The following SSMEM1 variants were observed in gnomAD, a reference collection of about 807,000 sequenced individuals.
The protein encoded by SSMEM1 is serine-rich single-pass membrane protein 1.
A neutral mutation model predicts 9.9 loss-of-function variants in SSMEM1; 12 were observed. The ratio of observed to expected loss-of-function variants is 1.21; its 90% confidence interval spans 0.78 to 1.96. SSMEM1 has a LOEUF of 1.96. Among genes scored for constraint, SSMEM1 ranks in the 30% most tolerant of loss-of-function variants. The pLI, the probability that SSMEM1 is intolerant of heterozygous loss-of-function variation, is 0.00. For missense variants in SSMEM1, 259 were observed against 292.2 expected, an observed-to-expected ratio of 0.89 and a Z score of 0.83; for synonymous variants, 96 against 98.9, an observed-to-expected ratio of 0.97 and a Z score of 0.17.
In SSMEM1 at chr7:130,216,503, A is replaced by G; in HGVS notation, c.*33A>G. The G allele has an allele frequency of 6.3e-7, 1 of 1,593,548 alleles. No individual in the cohort carries two copies. The highest frequency in any genetic ancestry group is 8.6e-7 in the Non-Finnish European group (1 of 1,168,996). On this transcript the variant is annotated 3_prime_UTR_variant, in exon 3 of 3. Coordinates refer to ENST00000297819, the MANE Select transcript of SSMEM1 (RefSeq NM_145268.4). ...CACGTTCTTCCTTCACTTGAAGCCA[A>G]ATGAAAGAGATGAATAAAACATGAA...
chr7:130,208,020 C>T lies in SSMEM1; in HGVS notation c.110C>T (p.Thr37Ile), dbSNP rs779152211. The change falls in exon 1 of 3, where the codon ACC becomes ATC. Residue 37 changes from threonine (T) to isoleucine (I), a missense_variant. By Grantham distance (89) the Thr-to-Ile change is moderately conservative (BLOSUM62 -1). Coordinates refer to ENST00000297819, the MANE Select transcript of SSMEM1 (RefSeq NM_145268.4). The part of the protein sequence containing the change: ...YECWKDDSCG[T>I]IGSFLLWYFV... Reference sequence around the variant, plus strand: ...TGCTGGAAGGATGACTCTTGTGGAACCATAGGGAGCTTCCTGCTTTGGTAT... The same window carrying T: ...TGCTGGAAGGATGACTCTTGTGGAATCATAGGGAGCTTCCTGCTTTGGTAT... The T allele has an allele frequency of 1.1e-5, 18 of 1,614,028 alleles. No homozygotes were observed. The highest frequency in any genetic ancestry group is 1.5e-5 in the Non-Finnish European group (18 of 1,179,968).
Position 130,216,622 on chromosome 7 carries a change from C to A in SSMEM1, c.*152C>A. The A allele has an allele frequency of 2.1e-6, 2 of 943,468 alleles. No individual in the cohort carries two copies. The highest frequency in any genetic ancestry group is 1.8e-5 in the South Asian group (1 of 55,286). The allele number at this position is 943,468 out of a possible 1,614,324, so 58.4% of individuals were successfully genotyped here. On this transcript the variant is annotated 3_prime_UTR_variant, in exon 3 of 3. Transcript: ENST00000297819. Reference sequence around the variant, plus strand: ...TTGGAACCCAAGAGGTAAAATCTCACACAATTCTTCGTTCAAAAAAAAAAA... The same window carrying A: ...TTGGAACCCAAGAGGTAAAATCTCAAACAATTCTTCGTTCAAAAAAAAAAA...
At chr7:130,212,453 C>T (rs1042021089) in intron 1 of SSMEM1, among the ~76,000 whole-genome samples, 28 of 152,172 alleles carry the variant, frequency 1.8e-4, no homozygotes, top group Non-Finnish European at 4.0e-4. Flanking sequence ...GGGCCAGGCG[C>T]GGTGGCTTAC....
chr7:130,211,670 C>A (rs1798594485), intron 1 of SSMEM1, among the ~76,000 whole-genome samples: 1 of 152,124 alleles, frequency 6.6e-6, no homozygotes, highest in Non-Finnish European at 1.5e-5. Context: ...CACATAAACT[C>A]ATTTTTTTCC....
intron 1 of SSMEM1, among the ~76,000 whole-genome samples, chr7:130,211,093 CTAAG>C (rs975326181): frequency 2.6e-5 from 4 of 151,038 alleles, no homozygotes; most frequent in African/African-American, 9.7e-5. Flanking sequence ...TTTCTATAAC[CTAAG>C]TGATACATAT....
upstream of SSMEM1, chr7:130,205,516 C>G (rs546767053): frequency 1.2e-5 from 17 of 1,379,530 alleles, no homozygotes; most frequent in Middle Eastern, 7.1e-4. Flanking sequence ...AGGGAGGGGT[C>G]GCAGGCCCAG....
chr7:130,212,007 A>G (rs1433750980), intron 1 of SSMEM1, among the ~76,000 whole-genome samples: 1 of 152,206 alleles, frequency 6.6e-6, no homozygotes, highest in Non-Finnish European at 1.5e-5. Flanking sequence ...TCTGTGGACA[A>G]AGCTTTCTTT....
At chr7:130,215,904 GCTT>G (rs1798695289) in intron 2 of SSMEM1, 67 bp from the exon 3 acceptor site, 3 of 1,558,204 alleles carry the variant, frequency 1.9e-6, no homozygotes, top group South Asian at 2.5e-5. Context: ...ACGTGCACAG[GCTT>G]CTTAAGTAAT....
upstream of SSMEM1, among the ~76,000 whole-genome samples, chr7:130,206,315 C>T (rs557930745): frequency 5.3e-5 from 8 of 152,280 alleles, no homozygotes; most frequent in South Asian, 4.1e-4. Context: ...CCCAAGGAGG[C>T]GCATCCAGCC....
Position 130,213,456 on chromosome 7 carries a change from TACTA to T in SSMEM1, c.184-21_184-18del, listed in dbSNP as rs773520097. The T allele has an allele frequency of 3.1e-6, 5 of 1,605,798 alleles. No homozygotes were observed. The African/African-American group carries it at 5.3e-5, about 17-fold the overall frequency. On this transcript the variant is annotated intron_variant, in intron 1 of 2. Transcript: ENST00000297819. ...ATCAAAAAACAACTGAGATCACTCTTACTAACCTATGTTTCTGAAACAGATGTCT... is the reference window on the plus strand; with the variant it reads ...ATCAAAAAACAACTGAGATCACTCTTACCTATGTTTCTGAAACAGATGTCT...
chr7:130,216,608 G>A lies in SSMEM1; in HGVS notation c.*138G>A. 1.8e-6 allele frequency: 2 copies of A among 1,101,534 alleles called. No homozygotes were observed. The highest frequency in any genetic ancestry group is 2.6e-6 in the Non-Finnish European group (2 of 782,264). 68.2% of individuals were successfully genotyped at this position (1,101,534 alleles called of 1,614,324 possible). On this transcript the variant is annotated 3_prime_UTR_variant, in exon 3 of 3. Transcript: ENST00000297819. ...AAACAAAAACATACTTGGAACCCAA[G>A]AGGTAAAATCTCACACAATTCTTCG...
chr7:130,205,593 C>T, upstream of SSMEM1: 2 of 648,716 alleles, frequency 3.1e-6, no homozygotes, highest in East Asian at 2.7e-5. Context: ...CGGGAGAAAG[C>T]TAAGCAGCAA....
At position 130,207,895 on chromosome 7, in the gene SSMEM1, T is replaced by C; in HGVS notation, c.-16T>C. On this transcript the variant is annotated 5_prime_UTR_variant, in exon 1 of 3. Transcript: ENST00000297819. ...ATCCCTTTAAGCATGGTTTATTTTC[T>C]GAGCAAGGAGTCATCATGGGAGACC... The C allele has an allele frequency of 3.7e-6, 6 of 1,612,080 alleles. No individual in the cohort carries two copies. Among genetic ancestry groups the C allele is most frequent in the Non-Finnish European group, 5.1e-6 (6 of 1,179,258 alleles).
At chr7:130,214,670 G>T (rs1355062302) in intron 2 of SSMEM1, among the ~76,000 whole-genome samples, 5 of 152,144 alleles carry the variant, frequency 3.3e-5, no homozygotes, top group African/African-American at 1.2e-4. Flanking sequence ...ATAGATGTAT[G>T]TTGGAACTTA....
upstream of SSMEM1, among the ~76,000 whole-genome samples, chr7:130,206,447 A>G (rs1798472830): frequency 6.6e-6 from 1 of 152,234 alleles, no homozygotes; most frequent in African/African-American, 2.4e-5. Context: ...GCCATGCCAC[A>G]GTAAGCTAGT....
intron 2 of SSMEM1, among the ~76,000 whole-genome samples, chr7:130,215,475 G>C (rs1463375975): frequency 6.6e-6 from 1 of 152,094 alleles, no homozygotes; most frequent in Admixed American, 6.5e-5. Flanking sequence ...ATTGTAAGTT[G>C]GTATAATTTA....
chr7:130,205,493 C>G (rs1480111963), upstream of SSMEM1: 106 of 1,532,778 alleles, frequency 6.9e-5, no homozygotes, highest in Non-Finnish European at 1.5e-5. Flanking sequence ...TAGGTAGTCT[C>G]TTCTCGCGAG....
upstream of SSMEM1, chr7:130,205,532 C>T (rs754673912): frequency 6.9e-5 from 81 of 1,175,138 alleles, no homozygotes; most frequent in Non-Finnish European, 9.5e-5. Context: ...CCCAGGCGCT[C>T]GGAGCGTTAC....
At chr7:130,205,619 C>G (rs773242219), upstream of SSMEM1, 7 of 606,696 alleles carry the variant, frequency 1.2e-5, no homozygotes, top group African/African-American at 3.7e-5. Context: ...AGACCAGGCT[C>G]TGAACCCGCA....
Sources: allele counts gnomAD v4.1 joint callset (sites outside exome capture counted in the v4.1 genomes callset), GRCh38; gene constraint gnomAD v4.1.1; transcripts MANE v1.5; gene names NCBI Gene and HGNC (gene_info 2026-07-23, HGNC 2026-07-21).